Variants in KLRB1 observed in about 807,000 individuals in gnomAD.
The protein encoded by KLRB1 is killer cell lectin-like receptor subfamily B member 1.
In KLRB1, 27 loss-of-function variants were observed where a neutral mutation model predicts 33.5. The ratio of observed to expected loss-of-function variants is 0.81; its 90% CI spans 0.59 to 1.11. KLRB1 has a LOEUF of 1.11. Ranked by LOEUF, KLRB1 falls within the 50% of genes most tolerant of loss-of-function variation. The pLI, the probability that KLRB1 is intolerant of heterozygous loss-of-function variation, is 0.00. For synonymous variants in KLRB1, 64 were observed against 88.9 expected (o/e 0.72, Z 1.58); for missense variants, 241 against 254.1 (o/e 0.95, Z 0.35).
At chr12:9,602,333 T>C (rs1177094371) in intron 1 of KLRB1, among the ~76,000 whole-genome samples, 1 of 152,222 alleles carries the variant, frequency 6.6e-6, no homozygotes. Context: ...AAGTTATGAT[T>C]ATATTGATGA....
intron 2 of KLRB1, among the ~76,000 whole-genome samples, chr12:9,600,063 A>C (rs1157148056): frequency 6.6e-6 from 1 of 152,128 alleles, no homozygotes; most frequent in African/African-American, 2.4e-5. Context: ...TCACACAGCC[A>C]TTAGGTTGCC....
chr12:9,603,085 G>A (rs1310964233), intron 1 of KLRB1, among the ~76,000 whole-genome samples: 1 of 152,166 alleles, frequency 6.6e-6, no homozygotes, highest in East Asian at 1.9e-4. Context: ...TTATCGTCTG[G>A]TACTATTTAG....
At chr12:9,596,695 G>A (rs1304227097) in intron 5 of KLRB1, among the ~76,000 whole-genome samples, 1 of 152,072 alleles carries the variant, frequency 6.6e-6, no homozygotes, top group African/African-American at 2.4e-5. Flanking sequence ...ACATATTTAT[G>A]TTCACATTTC....
At chr12:9,603,682 C>T (rs900799899) in intron 1 of KLRB1, among the ~76,000 whole-genome samples, 11 of 151,668 alleles carry the variant, frequency 7.3e-5, no homozygotes, top group African/African-American at 2.7e-4. Flanking sequence ...GTGATCCACC[C>T]GCCTCAGCCT....
At position 9,599,797 on chromosome 12, in the gene KLRB1, C is replaced by A. The variant is rs1415230934; in HGVS notation, c.229G>T (p.Asp77Tyr). The A allele has an allele frequency of 2.5e-6, 4 of 1,606,028 alleles. No individual in the cohort carries two copies. The highest frequency in any genetic ancestry group is 3.4e-6 in the Non-Finnish European group (4 of 1,172,968). ...QKSSIEKCSV[D>Y]IQQSRNKTTE... Reference sequence around the variant, plus strand: ...GTTTTATTCCTGCTCTGTTGAATGTCCACACTGCATTTTTCTATTGATGAT... The same window carrying A: ...GTTTTATTCCTGCTCTGTTGAATGTACACACTGCATTTTTCTATTGATGAT... The change falls in exon 3 of 6, where the codon GAC (aspartate) becomes TAC (tyrosine). Residue 77 changes from aspartate (D) to tyrosine (Y), a missense_variant. By Grantham distance (160) the Asp-to-Tyr change is radical. Coordinates refer to ENST00000229402, the MANE Select transcript of KLRB1 (RefSeq NM_002258.3).
At chr12:9,607,332 T>TCTTTCTTCCTTCC (rs1264714647) in intron 1 of KLRB1, among the ~76,000 whole-genome samples, 4 of 58,620 alleles carry the variant, frequency 6.8e-5, no homozygotes, top group Admixed American at 2.1e-4. Context: ...TTTCTCTTTC[T>TCTTTCTTCCTTCC]TTCCTTTCTT....
intron 1 of KLRB1, among the ~76,000 whole-genome samples, chr12:9,607,346 T>C (rs1251440098): frequency 9.8e-5 from 6 of 60,988 alleles, no homozygotes; most frequent in African/African-American, 2.4e-4. Flanking sequence ...CTTTCTTTCT[T>C]TCTTTCTTCC....
intron 1 of KLRB1, among the ~76,000 whole-genome samples, chr12:9,605,625 C>G (rs977935831): frequency 2.0e-5 from 3 of 152,192 alleles, no homozygotes; most frequent in Admixed American, 1.3e-4. Context: ...TAAGCAAGAT[C>G]GGTTATCACT....
At position 9,607,914 on chromosome 12, in the gene KLRB1, AG is replaced by A. The variant is rs1864643479; in HGVS notation, c.-76del. The A allele has an allele frequency of 4.8e-6, 5 of 1,035,918 alleles. No homozygotes were observed. The South Asian group carries it at 6.4e-5, about 13-fold the overall frequency. 64.2% of individuals were successfully genotyped at this position (1,035,918 alleles called of 1,614,324 possible). ...AATTCTGTGAGGCAAAATCAGCAAA[AG>A]GAAGCTTTCTGCCTGCAGTACTTTG... On this transcript the variant is annotated 5_prime_UTR_variant, in exon 1 of 6. Transcript: ENST00000229402.
intron 1 of KLRB1, among the ~76,000 whole-genome samples, chr12:9,603,026 A>T (rs1399479930): frequency 6.6e-6 from 1 of 152,208 alleles, no homozygotes; most frequent in Non-Finnish European, 1.5e-5. Context: ...GTGATCAAAG[A>T]TTATGGGAGG....
chr12:9,601,590 T>C lies in KLRB1; in HGVS notation c.95A>G (p.Gln32Arg), dbSNP rs751770832. The C allele has an allele frequency of 1.2e-6, 2 of 1,609,152 alleles. No individual in the cohort carries two copies. The highest frequency in any genetic ancestry group is 2.2e-5 in the South Asian group (2 of 90,934). Residue 32 changes from glutamine to arginine, a missense_variant, in exon 2 of 6, where the codon CAG becomes CGG. Gln to Arg is a conservative substitution (Grantham distance 43). Coordinates refer to ENST00000229402, the MANE Select transcript of KLRB1 (RefSeq NM_002258.3). ...GGCAAATTGATGCCAAGGTGAACCC[T>C]GACAGACATCTGAAAAGTTAAAAAG... ...SPSSLPRDVC[Q>R]GSPWHQFALK... is the part of the protein sequence containing the mutation.
At chr12:9,600,551 A>G (rs1272075183) in intron 2 of KLRB1, among the ~76,000 whole-genome samples, 1 of 152,190 alleles carries the variant, frequency 6.6e-6, no homozygotes, top group Non-Finnish European at 1.5e-5. Context: ...TTATGTACTA[A>G]GAAAAATTCT....
chr12:9,607,750 C>G lies in KLRB1; in HGVS notation c.85+5G>C, dbSNP rs1864640143. The G allele has an allele frequency of 6.2e-7, 1 of 1,602,558 alleles. No homozygotes were observed. ...AATGCCGAAAGGAAAATTAAAGCCA[C>G]TTACCCCGAGGAAGAGATGAAGGTG... On this transcript the variant is annotated splice_donor_5th_base_variant and intron_variant, in intron 1 of 5. Coordinates refer to ENST00000229402, the MANE Select transcript of KLRB1 (RefSeq NM_002258.3).
At chr12:9,595,487 A>G (rs983765584) in intron 5 of KLRB1, 66 bp from the exon 6 acceptor site, 18 of 1,464,920 alleles carry the variant, frequency 1.2e-5, no homozygotes, top group Non-Finnish European at 1.4e-5. Context: ...TCACTTAGCC[A>G]TTATTTCCTA....
rs769030850 is a variant in KLRB1, at chr12:9,598,947, G to A, written c.260-294C>T. ...CTGCCACATCTTACATTTTAAGACA[G>A]TGAGAGACAGAATAACTTAAGTCCA... is the stretch of plus-strand genomic sequence containing the variant. On this transcript the variant is annotated intron_variant, in intron 3 of 5. Transcript: ENST00000229402. Among the ~76,000 whole-genome samples, 13 of 152,288 alleles carry A rather than the reference G, an allele frequency of 8.5e-5. No homozygotes were observed. In the South Asian group the frequency reaches 1.0e-3, roughly 12 times the overall value.
At chr12:9,607,342 T>G (rs1222569188) in intron 1 of KLRB1, among the ~76,000 whole-genome samples, 1 of 57,666 alleles carries the variant, frequency 1.7e-5, no homozygotes, top group African/African-American at 5.0e-5. Flanking sequence ...TTTCCTTTCT[T>G]TCTTTCTTTC....
At chr12:9,597,807 A>G (rs1864505593) in intron 5 of KLRB1, among the ~76,000 whole-genome samples, 1 of 152,110 alleles carries the variant, frequency 6.6e-6, no homozygotes, top group Non-Finnish European at 1.5e-5. Flanking sequence ...AAGTTAGTCT[A>G]TTTCCTGTCC....
intron 3 of KLRB1, among the ~76,000 whole-genome samples, chr12:9,599,315 C>CT (rs1176557974): frequency 6.6e-6 from 1 of 152,122 alleles, no homozygotes; most frequent in East Asian, 1.9e-4. Flanking sequence ...CAGTAGTCAC[C>CT]TTTTTTTATT....
chr12:9,605,838 AT>A (rs1260189968), intron 1 of KLRB1, among the ~76,000 whole-genome samples: 1 of 152,182 alleles, frequency 6.6e-6, no homozygotes, highest in African/African-American at 2.4e-5. Flanking sequence ...TCAGAATGAC[AT>A]TTTATAGGAT....
Sources: gnomAD v4.1 joint callset for allele counts (sites outside exome capture counted in the v4.1 genomes callset) on GRCh38, gnomAD v4.1.1 for gene constraint, MANE v1.5 for transcripts, NCBI Gene and HGNC (gene_info 2026-07-23, HGNC 2026-07-21) for gene names.